The following RAD51B variants were observed in gnomAD, a reference collection of about 807,000 sequenced individuals.
RAD51B encodes the protein RAD51 paralog B.
A neutral mutation model predicts 42.2 loss-of-function variants in RAD51B; 38 were observed. The ratio of observed to expected loss-of-function variants is 0.90; its 90% confidence interval spans 0.70 to 1.18. The LOEUF is 1.18. RAD51B is among the 50% of genes most tolerant of loss of function. The pLI is 0.00. For missense variants in RAD51B, 373 were observed against 400.7 expected (o/e 0.93, Z 0.59); for synonymous variants, 154 against 145.2 (o/e 1.06, Z -0.43).
intron 7 of RAD51B, among the ~76,000 whole-genome samples, chr14:68,156,505 G>A (rs1269022408): frequency 2.1e-5 from 2 of 97,366 alleles, no homozygotes; most frequent in Non-Finnish European, 4.1e-5. Context: ...CTGCCTTTAT[G>A]AAACTGACAG....
intron 7 of RAD51B, among the ~76,000 whole-genome samples, chr14:68,251,648 C>T (rs2080636830): frequency 6.6e-6 from 1 of 152,198 alleles, no homozygotes; most frequent in Non-Finnish European, 1.5e-5. Flanking sequence ...GCCTCCATGT[C>T]TGCTGGGTCC....
At chr14:68,190,068 T>A (rs1473246666) in intron 7 of RAD51B, among the ~76,000 whole-genome samples, 1 of 152,228 alleles carries the variant, frequency 6.6e-6, no homozygotes, top group Non-Finnish European at 1.5e-5. Flanking sequence ...TAATTTCAAA[T>A]TAATTTCAAA....
chr14:68,338,733 C>T (rs72727447), intron 8 of RAD51B: 8 of 407,154 alleles, frequency 2.0e-5, no homozygotes, highest in South Asian at 6.5e-5. Context: ...TACATTTAAC[C>T]CAGTTCAGTG....
chr14:68,377,236 C>G (rs1332701314), intron 8 of RAD51B, among the ~76,000 whole-genome samples: 1 of 152,108 alleles, frequency 6.6e-6, no homozygotes, highest in Non-Finnish European at 1.5e-5. Flanking sequence ...TACAGGGTGG[C>G]CCATTTAAAA....
intron 7 of RAD51B, among the ~76,000 whole-genome samples, chr14:68,032,783 A>G (rs142127194): frequency 6.6e-6 from 1 of 152,308 alleles, no homozygotes; most frequent in East Asian, 1.9e-4. Flanking sequence ...TCTTGCTCTT[A>G]GGGCAGAGCT....
chr14:68,298,400 G>T (rs1391050031), intron 8 of RAD51B, among the ~76,000 whole-genome samples: 1 of 152,182 alleles, frequency 6.6e-6, no homozygotes, highest in South Asian at 2.1e-4. Flanking sequence ...TTTTGCTGGT[G>T]CTAGTTTGTC....
chr14:68,130,382 G>A (rs943084951), intron 7 of RAD51B, among the ~76,000 whole-genome samples: 1 of 152,190 alleles, frequency 6.6e-6, no homozygotes, highest in Non-Finnish European at 1.5e-5. Flanking sequence ...ATTGGGTTTT[G>A]AAACTGATTA....
At chr14:68,103,072 A>C (rs2062308353) in intron 7 of RAD51B, among the ~76,000 whole-genome samples, 1 of 152,134 alleles carries the variant, frequency 6.6e-6, no homozygotes, top group South Asian at 2.1e-4. Context: ...CACCCCCATG[A>C]TGCAGTTACC....
At chr14:68,282,388 C>G (rs970249653) in intron 7 of RAD51B, among the ~76,000 whole-genome samples, 9 of 152,210 alleles carry the variant, frequency 5.9e-5, no homozygotes, top group Non-Finnish European at 1.2e-4. Flanking sequence ...GGGAGGAAGC[C>G]TGCCCCTACT....
At chr14:67,963,878 G>A (rs1174859560) in intron 7 of RAD51B, among the ~76,000 whole-genome samples, 2 of 151,384 alleles carry the variant, frequency 1.3e-5, no homozygotes, top group Non-Finnish European at 1.5e-5. Flanking sequence ...AAAAAAATCG[G>A]TAACAGACAT....
chr14:68,525,703 T>C (rs1227844269), intron 10 of RAD51B, among the ~76,000 whole-genome samples: 1 of 152,102 alleles, frequency 6.6e-6, no homozygotes, highest in Admixed American at 6.5e-5. Context: ...AACAAGCTGC[T>C]TTTCACACCC....
intron 10 of RAD51B, among the ~76,000 whole-genome samples, chr14:68,477,102 A>T (rs966444520): frequency 6.6e-6 from 1 of 152,144 alleles, no homozygotes; most frequent in African/African-American, 2.4e-5. Context: ...GCCCACATCC[A>T]CTGGAACAAA....
intron 7 of RAD51B, among the ~76,000 whole-genome samples, chr14:68,272,302 A>G (rs979207424): frequency 1.3e-5 from 2 of 151,882 alleles, no homozygotes; most frequent in Non-Finnish European, 2.9e-5. Flanking sequence ...TCCTGGCTCT[A>G]TTTCTCATTT....
intron 10 of RAD51B, among the ~76,000 whole-genome samples, chr14:68,524,354 A>G (rs1226130901): frequency 1.3e-5 from 2 of 152,256 alleles, no homozygotes; most frequent in African/African-American, 4.8e-5. Context: ...AGAGATGGCC[A>G]GAGAAGAGTA....
chr14:68,071,413 G>T (rs911580510), intron 7 of RAD51B, among the ~76,000 whole-genome samples: 2 of 152,052 alleles, frequency 1.3e-5, no homozygotes, highest in Admixed American at 6.6e-5. Context: ...GTTGTAAATG[G>T]TGCTTCTTAT....
At chr14:68,679,262 C>T (rs77625851) in intron 11 of RAD51B, among the ~76,000 whole-genome samples, 1 of 145,338 alleles carries the variant, frequency 6.9e-6, no homozygotes, top group South Asian at 2.1e-4. Flanking sequence ...TAAGTTTAAA[C>T]AAACAAACAA....
chr14:68,422,466 C>A (rs534264140), intron 9 of RAD51B, among the ~76,000 whole-genome samples: 2 of 148,060 alleles, frequency 1.4e-5, no homozygotes, highest in African/African-American at 5.0e-5. Flanking sequence ...GAGGCTGAGG[C>A]AGGGAATTGC....
chr14:68,371,573 C>T lies in RAD51B; in HGVS notation c.854-39851C>T, dbSNP rs115233764. On this transcript the variant is annotated intron_variant, in intron 8 of 10. Coordinates refer to ENST00000471583, the MANE Select transcript of RAD51B (RefSeq NM_133510.4). ...AGTTGCATTTGAGATATGTAAGTGA[C>T]CGGGCGTGGTGGCTTCCAGCACTTT... 3.2e-3 allele frequency among the ~76,000 whole-genome samples: 491 copies of T among 151,804 alleles called. 1 individual carries two copies. Among genetic ancestry groups the T allele is most frequent in the African/African-American group, 0.011 (470 of 41,398 alleles).
chr14:68,542,119 A>G (rs1156567386), intron 10 of RAD51B, among the ~76,000 whole-genome samples: 1 of 152,230 alleles, frequency 6.6e-6, no homozygotes, highest in Non-Finnish European at 1.5e-5. Flanking sequence ...TGTCTTGTCA[A>G]TTATGATGGC....
Sources: gnomAD v4.1 joint callset for allele counts (sites outside exome capture counted in the v4.1 genomes callset) on GRCh38, gnomAD v4.1.1 for gene constraint, MANE v1.5 for transcripts, NCBI Gene and HGNC (gene_info 2026-07-23, HGNC 2026-07-21) for gene names.